Variants in ACVR1C observed in about 807,000 individuals in gnomAD.
ACVR1C encodes the protein activin A receptor type 1C, also known as activin receptor type-1C.
A neutral mutation model predicts 57.9 loss-of-function variants in ACVR1C; 23 were observed. That is an observed-to-expected ratio of 0.40 (90% CI 0.29 to 0.56). The LOEUF is 0.56. Among genes scored for constraint, ACVR1C ranks in the 20% least tolerant of loss-of-function variants. The pLI is 0.50. For synonymous variants in ACVR1C, 214 were observed against 215.3 expected, an observed-to-expected ratio of 0.99 and a Z score of 0.05; for missense variants, 480 against 607.9, an observed-to-expected ratio of 0.79 and a Z score of 2.21.
chr2:157,556,017 T>C, intron 3 of ACVR1C, 76 bp downstream of exon 3: 2 of 1,483,564 alleles, frequency 1.3e-6, no homozygotes, highest in Non-Finnish European at 1.8e-6. Flanking sequence ...TTTGGGCCCT[T>C]TTTGTTAAAA....
In ACVR1C at chr2:157,598,200, G is replaced by GA. The variant is rs575735322; in HGVS notation, c.74-10784dup. Among the ~76,000 whole-genome samples, 541 of 75,868 alleles carry GA rather than the reference G, an allele frequency of 7.1e-3. 2 individuals carry two copies. The highest frequency in any genetic ancestry group is 0.018 in the South Asian group (46 of 2,592). The allele number at this position is 75,868 out of a possible 152,430, so 49.8% of individuals were successfully genotyped here. ...TTTTGTGTTGTCAAGGAAGAACATT[G>GA]AAAAAAAAAAAAAAAGCATCCTCTA... is the stretch of plus-strand genomic sequence containing the variant. On this transcript the variant is annotated intron_variant, in intron 1 of 8. Transcript: ENST00000243349.
intron 1 of ACVR1C, among the ~76,000 whole-genome samples, chr2:157,588,577 C>G (rs768567609): frequency 2.0e-5 from 3 of 151,002 alleles, no homozygotes; most frequent in Non-Finnish European, 4.4e-5. Context: ...TTTTTCATTC[C>G]TAACCTCCCT....
At chr2:157,573,671 A>T in intron 2 of ACVR1C, among the ~76,000 whole-genome samples, 1 of 152,068 alleles carries the variant, frequency 6.6e-6, no homozygotes, top group East Asian at 1.9e-4. Flanking sequence ...AGGCTTCCTG[A>T]TCTTATTCTG....
chr2:157,614,203 C>T (rs988332413), intron 1 of ACVR1C, among the ~76,000 whole-genome samples: 4 of 152,056 alleles, frequency 2.6e-5, no homozygotes, highest in Non-Finnish European at 5.9e-5. Flanking sequence ...ATAGCAATGT[C>T]CTTCTTTCAT....
chr2:157,597,602 T>A (rs1573945726), intron 1 of ACVR1C: 2 of 981,360 alleles, frequency 2.0e-6, no homozygotes, highest in African/African-American at 1.8e-5. Context: ...CGCACCCGGG[T>A]ACCATCTAGT....
chr2:157,609,012 C>A (rs1056668284), intron 1 of ACVR1C, among the ~76,000 whole-genome samples: 3 of 151,546 alleles, frequency 2.0e-5, no homozygotes, highest in Admixed American at 1.3e-4. Flanking sequence ...TTTTCTTCTG[C>A]TAATTTGGGG....
At chr2:157,610,379 T>G (rs1192980849) in intron 1 of ACVR1C, among the ~76,000 whole-genome samples, 1 of 152,156 alleles carries the variant, frequency 6.6e-6, no homozygotes, top group East Asian at 1.9e-4. Context: ...CATTCTCTTG[T>G]GGCCTATAAG....
intron 1 of ACVR1C, among the ~76,000 whole-genome samples, chr2:157,611,961 G>A (rs564743425): frequency 6.6e-6 from 1 of 152,202 alleles, no homozygotes; most frequent in Admixed American, 6.5e-5. Flanking sequence ...ACTCATTCTA[G>A]AGCAGAGCAT....
intron 1 of ACVR1C, among the ~76,000 whole-genome samples, chr2:157,620,358 T>A (rs1481826079): frequency 6.6e-6 from 1 of 152,002 alleles, no homozygotes; most frequent in Non-Finnish European, 1.5e-5. Context: ...GTCCACAGAA[T>A]AGAATTTTTA....
intron 2 of ACVR1C, among the ~76,000 whole-genome samples, chr2:157,565,316 A>C (rs1296239378): frequency 6.6e-6 from 1 of 152,110 alleles, no homozygotes; most frequent in Admixed American, 6.5e-5. Context: ...CTCCCGTGTG[A>C]ATCTGCACTT....
At chr2:157,553,396 CTT>C (rs534657737) in intron 3 of ACVR1C, among the ~76,000 whole-genome samples, 1 of 146,786 alleles carries the variant, frequency 6.8e-6, no homozygotes. Context: ...ACATTTACTA[CTT>C]TTTTTTTTTT....
intron 1 of ACVR1C, chr2:157,597,550 G>C (rs898671896): frequency 3.0e-6 from 3 of 985,426 alleles, no homozygotes; most frequent in African/African-American, 3.5e-5. Context: ...CCTGCCCGAC[G>C]GCAGCGCAAC....
chr2:157,576,575 G>A (rs1573931450), intron 2 of ACVR1C, among the ~76,000 whole-genome samples: 1 of 152,112 alleles, frequency 6.6e-6, no homozygotes, highest in Non-Finnish European at 1.5e-5. Flanking sequence ...GTCAACTTGG[G>A]TAAACTTGAA....
chr2:157,620,834 T>G (rs1682756528), intron 1 of ACVR1C, among the ~76,000 whole-genome samples: 1 of 152,132 alleles, frequency 6.6e-6, no homozygotes, highest in Admixed American at 6.6e-5. Context: ...CCGTTTTTGA[T>G]CATAGAGTCT....
intron 1 of ACVR1C, among the ~76,000 whole-genome samples, chr2:157,588,996 A>G (rs960395252): frequency 5.3e-5 from 8 of 151,142 alleles, no homozygotes; most frequent in African/African-American, 1.9e-4. Flanking sequence ...TATCTTTGCA[A>G]TTGTGAACTG....
At chr2:157,593,422 A>G (rs1472995728) in intron 1 of ACVR1C, among the ~76,000 whole-genome samples, 1 of 152,192 alleles carries the variant, frequency 6.6e-6, no homozygotes, top group Non-Finnish European at 1.5e-5. Context: ...AACATCTGAC[A>G]TAAACTCTTT....
intron 1 of ACVR1C, among the ~76,000 whole-genome samples, chr2:157,587,797 C>T (rs185716273): frequency 6.6e-6 from 1 of 152,142 alleles, no homozygotes; most frequent in African/African-American, 2.4e-5. Context: ...ACTCATAGAA[C>T]ATTAAAGTGG....
chr2:157,567,980 C>A (rs1198796859), intron 2 of ACVR1C, among the ~76,000 whole-genome samples: 1,286 of 133,012 alleles, frequency 9.7e-3, no homozygotes, highest in South Asian at 0.034. Context: ...GGTCGGGTTA[C>A]CCTCAAAGGA....
chr2:157,557,182 G>T (rs553308864), intron 2 of ACVR1C, among the ~76,000 whole-genome samples: 1 of 152,090 alleles, frequency 6.6e-6, no homozygotes, highest in East Asian at 1.9e-4. Flanking sequence ...AAAAAGCAGG[G>T]AAGAAAGAAG....
Sources: allele counts gnomAD v4.1 joint callset (sites outside exome capture counted in the v4.1 genomes callset), GRCh38; gene constraint gnomAD v4.1.1; transcripts MANE v1.5; gene names NCBI Gene and HGNC (gene_info 2026-07-23, HGNC 2026-07-21).